DOCK5: variants seen among roughly 807,000 people sequenced by gnomAD.
The protein encoded by DOCK5 is dedicator of cytokinesis 5.
Under a neutral mutation model 251.8 loss-of-function variants are expected in DOCK5, and 142 were observed. The observed-to-expected ratio is 0.56, with a 90% CI of 0.49 to 0.65. The LOEUF (loss-of-function observed/expected upper bound fraction) is 0.65. DOCK5 is among the 30% of genes least tolerant of loss of function. DOCK5 has a pLI of 0.00. For synonymous variants in DOCK5, 842 were observed against 835.5 expected, an observed-to-expected ratio of 1.01 and a Z score of -0.13; for missense variants, 2,111 against 2,312.3, an observed-to-expected ratio of 0.91 and a Z score of 1.79.
chr8:25,272,037 A>G (rs1250557562), intron 3 of DOCK5, among the ~76,000 whole-genome samples: 2 of 152,198 alleles, frequency 1.3e-5, no homozygotes, highest in African/African-American at 4.8e-5. Flanking sequence ...ACATACATAC[A>G]TACATATTTG....
chr8:25,341,543 AC>A (rs1181621827), intron 23 of DOCK5, among the ~76,000 whole-genome samples, 195 bp from the exon 24 acceptor site: 3 of 152,168 alleles, frequency 2.0e-5, no homozygotes, highest in Admixed American at 2.0e-4. Context: ...AGAAAGCTGT[AC>A]CCCCTGGCAT....
At chr8:25,342,784 G>C (rs7838954) in intron 25 of DOCK5, among the ~76,000 whole-genome samples, 33,467 of 132,116 alleles carry the variant, frequency 0.25, 4,872 homozygotes, top group African/African-American at 0.42. Context: ...CTGCAACCTC[G>C]GCCTCCCAGG....
chr8:25,323,886 G>A lies in DOCK5; in HGVS notation c.1654G>A (p.Val552Met), dbSNP rs559112835. ...KSERAFGVAF[V>M]KLMNPDGTTL... ...GGAGCGAGCATTTGGGGTGGCCTTCGTGAAGCTGATGAACCCGGATGGCAC... is the reference window on the plus strand; with the variant it reads ...GGAGCGAGCATTTGGGGTGGCCTTCATGAAGCTGATGAACCCGGATGGCAC... Residue 552 changes from valine to methionine, a missense_variant, in exon 17 of 52, where the codon GTG (valine) becomes ATG (methionine). Coordinates refer to ENST00000276440, the MANE Select transcript of DOCK5 (RefSeq NM_024940.8). The A allele has an allele frequency of 2.4e-5, 39 of 1,613,518 alleles. No individual in the cohort carries two copies. The highest frequency in any genetic ancestry group is 3.3e-4 in the Middle Eastern group (2 of 6,060).
chr8:25,237,704 T>A (rs1050790477), intron 1 of DOCK5, among the ~76,000 whole-genome samples: 1 of 152,236 alleles, frequency 6.6e-6, no homozygotes, highest in African/African-American at 2.4e-5. Context: ...CGAGGCAACG[T>A]ATGTACAGCA....
Position 25,372,549 on chromosome 8 carries a change from G to A in DOCK5, c.3525-10G>A, listed in dbSNP as rs764139526. ...AACCTGGGCTTTTGTCTCTCCCTCC[G>A]CCCCTCCAGGCTCCTAGAACATTGC... On this transcript the variant is annotated splice_polypyrimidine_tract_variant and intron_variant, in intron 34 of 51. Transcript: ENST00000276440. 2.0e-5 allele frequency: 31 copies of A among 1,561,056 alleles called. No individual in the cohort carries two copies. The highest frequency in any genetic ancestry group is 2.5e-5 in the South Asian group (2 of 81,348).
At chr8:25,357,347 T>C (rs11776178) in intron 27 of DOCK5, among the ~76,000 whole-genome samples, 47,067 of 148,950 alleles carry the variant, frequency 0.32, 7,528 homozygotes, top group East Asian at 0.35. Context: ...AATAAGTTTA[T>C]ACTGCTTTAT....
Position 25,340,947 on chromosome 8 carries a change from A to G in DOCK5, c.2398A>G (p.Met800Val), listed in dbSNP as rs779233897. Reference sequence around the variant, plus strand: ...TCGCCAGTTATTTCTTGCTTTCAATATGCTGATGGACAGGCCTCTGGAGGA... The same window carrying G: ...TCGCCAGTTATTTCTTGCTTTCAATGTGCTGATGGACAGGCCTCTGGAGGA... ...SIRQLFLAFN[M>V]LMDRPLEEAV... The change falls in exon 23 of 52, where the codon ATG becomes GTG. Residue 800 changes from methionine (M) to valine (V), a missense_variant. Physicochemically the swap from Met to Val is conservative, Grantham distance 21. Coordinates refer to ENST00000276440, the MANE Select transcript of DOCK5 (RefSeq NM_024940.8). 4 of 1,613,298 alleles carry G rather than the reference A, an allele frequency of 2.5e-6. No homozygotes were observed. Among genetic ancestry groups the G allele is most frequent in the Non-Finnish European group, 3.4e-6 (4 of 1,179,696 alleles).
chr8:25,328,507 A>C (rs558886858), intron 18 of DOCK5, among the ~76,000 whole-genome samples: 40 of 152,322 alleles, frequency 2.6e-4, no homozygotes, highest in South Asian at 2.1e-4. Flanking sequence ...ATTTAATAAA[A>C]AGCTGAAGAA....
intron 47 of DOCK5, 138 bp from the exon 48 acceptor site, chr8:25,403,420 A>G: frequency 1.2e-6 from 1 of 844,616 alleles, no homozygotes; most frequent in Non-Finnish European, 1.9e-6. Context: ...CACAGGCACC[A>G]ACCAATCAGA....
At chr8:25,207,978 G>A (rs1208124818) in intron 1 of DOCK5, among the ~76,000 whole-genome samples, 2 of 152,102 alleles carry the variant, frequency 1.3e-5, no homozygotes, top group African/African-American at 4.8e-5. Flanking sequence ...CATGGGAGGA[G>A]GTCAAAATAT....
intron 12 of DOCK5, among the ~76,000 whole-genome samples, chr8:25,309,452 G>T (rs1041857573): frequency 6.6e-6 from 1 of 151,912 alleles, no homozygotes; most frequent in African/African-American, 2.4e-5. Context: ...CAAATCCCTG[G>T]AACTTTAGGT....
At chr8:25,407,028 T>C (rs1801534890) in intron 48 of DOCK5, among the ~76,000 whole-genome samples, 1 of 152,214 alleles carries the variant, frequency 6.6e-6, no homozygotes, top group Non-Finnish European at 1.5e-5. Context: ...CTATAGAATA[T>C]TTAAGCTGTA....
At chr8:25,185,890 C>T (rs1248240565) in intron 1 of DOCK5, among the ~76,000 whole-genome samples, 2 of 152,164 alleles carry the variant, frequency 1.3e-5, no homozygotes, top group Non-Finnish European at 2.9e-5. Context: ...AGACTTCTGC[C>T]CTGAACGGGG....
intron 37 of DOCK5, chr8:25,375,015 A>C (rs1800940024): frequency 5.5e-6 from 6 of 1,096,542 alleles, no homozygotes; most frequent in Non-Finnish European, 6.8e-6. Context: ...GAAGTACTCT[A>C]TTTTTATTCT....
At position 25,321,050 on chromosome 8, in the gene DOCK5, A is replaced by C. The variant is rs1805411983; in HGVS notation, c.1613A>C (p.Glu538Ala). 1 of 1,612,832 alleles carries C rather than the reference A, an allele frequency of 6.2e-7. No homozygotes were observed. Among genetic ancestry groups the C allele is most frequent in the South Asian group, 1.1e-5 (1 of 90,944 alleles). The stretch of plus-strand genomic sequence containing the variant: ...ACCTTCCGACACAGGTCATCTCAGG[A>C]AAGTAAGTATTAAGACGTCTATGAC... ...RFTFRHRSSQ[E>A]TRDKSERAFG... The change falls in exon 16 of 52, where the codon GAA becomes GCA. Residue 538 changes from glutamate (E) to alanine (A), a missense_variant and splice_region_variant. Glu to Ala is a moderately radical substitution (Grantham distance 107, BLOSUM62 -1). Coordinates refer to ENST00000276440, the MANE Select transcript of DOCK5 (RefSeq NM_024940.8).
At chr8:25,391,768 A>G (rs574238370) in intron 42 of DOCK5, 128 bp from the exon 43 acceptor site, 30 of 635,250 alleles carry the variant, frequency 4.7e-5, no homozygotes, top group Non-Finnish European at 6.0e-5. Flanking sequence ...TGGAGGCACT[A>G]TTGATTATGA....
chr8:25,193,387 T>C (rs1586216728), intron 1 of DOCK5, among the ~76,000 whole-genome samples: 1 of 152,006 alleles, frequency 6.6e-6, no homozygotes, highest in Non-Finnish European at 1.5e-5. Flanking sequence ...ACAGCTTTTT[T>C]TTTTTTGCAT....
rs1185985107 is a variant in DOCK5 at position 25,413,838 on chromosome 8, G to C, written c.*2540G>C. The C allele has an allele frequency of 6.6e-6, 1 of 152,226 alleles. No homozygotes were observed. Among genetic ancestry groups the C allele is most frequent in the African/African-American group, 2.4e-5 (1 of 41,464 alleles). The allele number at this position is 152,226 out of a possible 1,614,324, so 9.4% of individuals were successfully genotyped here. A position where few individuals can be genotyped will look rare whatever the true frequency, so the allele number is the denominator to read the frequency against. On this transcript the variant is annotated 3_prime_UTR_variant, in exon 52 of 52. Coordinates refer to ENST00000276440, the MANE Select transcript of DOCK5 (RefSeq NM_024940.8). ...GGCTAAGAGATTACAGCGGACGATG[G>C]AAGGTTCATTTTTTAGGGAAGGTGT...
rs1043864196 is a variant in DOCK5, at chr8:25,281,202, G to A, written c.321+2537G>A. Among the ~76,000 whole-genome samples the A allele has an allele frequency of 5.9e-5, 9 of 151,900 alleles. No homozygotes were observed. In the South Asian group the frequency reaches 1.0e-3, roughly 18 times the overall value. On this transcript the variant is annotated intron_variant, in intron 5 of 51. Coordinates refer to ENST00000276440, the MANE Select transcript of DOCK5 (RefSeq NM_024940.8). ...AGCACTTTGGGAGGCTGAGGACGGC[G>A]GATCACTTGAGGTCACGAGTTCAAA...
Sources: allele counts gnomAD v4.1 joint callset (sites outside exome capture counted in the v4.1 genomes callset), GRCh38; gene constraint gnomAD v4.1.1; transcripts MANE v1.5; gene names NCBI Gene and HGNC (gene_info 2026-07-23, HGNC 2026-07-21).